TBC1D17: variants seen among roughly 807,000 people sequenced by gnomAD.
TBC1D17 encodes the protein TBC1 domain family member 17, also known as TBC1 domain family, member 17.
A neutral mutation model predicts 78.8 loss-of-function variants in TBC1D17; 69 were observed. The observed-to-expected ratio is 0.88, with a 90% CI of 0.72 to 1.07. The LOEUF (loss-of-function observed/expected upper bound fraction) is 1.07. Ranked by LOEUF, TBC1D17 falls within the 50% of genes least tolerant of loss-of-function variation. The pLI, the probability that TBC1D17 is intolerant of heterozygous loss-of-function variation, is 0.00. For missense variants in TBC1D17, 957 were observed against 861.0 expected (o/e 1.11, Z -1.39); for synonymous variants, 456 against 358.3 (o/e 1.27, Z -3.08).
chr19:49,884,294 G>A lies in TBC1D17; in HGVS notation c.1168G>A (p.Glu390Lys), dbSNP rs755346450. Residue 390 changes from glutamate to lysine, a missense_variant, in exon 11 of 17, where the codon GAG becomes AAG. By Grantham distance (56) the Glu-to-Lys change is moderately conservative. Coordinates refer to ENST00000221543, the MANE Select transcript of TBC1D17 (RefSeq NM_024682.3). ...CACTGACAGGACCAACAAGTTCTAC[G>A]AGGGTCCCGAGAACCCGGGGCTGGG... is the stretch of plus-strand genomic sequence containing the variant. Reference protein sequence around the residue: ...SRTDRTNKFYEGPENPGLGLL... With the variant: ...SRTDRTNKFYKGPENPGLGLL... 5.6e-6 allele frequency: 9 copies of A among 1,614,010 alleles called. No individual in the cohort carries two copies. The highest frequency in any genetic ancestry group is 1.1e-5 in the South Asian group (1 of 91,088).
Position 49,882,814 on chromosome 19 carries a change from G to T in TBC1D17, c.849G>T (p.Glu283Asp). Residue 283 changes from glutamate to aspartate, a missense_variant, in exon 8 of 17, where the codon GAG becomes GAT. Coordinates refer to ENST00000221543, the MANE Select transcript of TBC1D17 (RefSeq NM_024682.3). ...PTVERGPPVTEEEWARHVGPE... is the reference protein window; with the variant it reads ...PTVERGPPVTDEEWARHVGPE... Reference sequence around the variant, plus strand: ...TGGAGCGGGGCCCTCCAGTTACAGAGGAGGAGTGGGCACGCCACGTGGGCC... The same window carrying T: ...TGGAGCGGGGCCCTCCAGTTACAGATGAGGAGTGGGCACGCCACGTGGGCC... 1 of 1,609,012 alleles carries T rather than the reference G, an allele frequency of 6.2e-7. No individual in the cohort carries two copies. Among genetic ancestry groups the T allele is most frequent in the Non-Finnish European group, 8.5e-7 (1 of 1,178,052 alleles).
chr19:49,887,399 C>A, intron 13 of TBC1D17, 77 bp from the exon 14 acceptor site: 1 of 1,456,298 alleles, frequency 6.9e-7, no homozygotes, highest in Non-Finnish European at 9.5e-7. Flanking sequence ...TGGGGAAGGT[C>A]TTCCAGTCAG....
At chr19:49,886,743 T>C (rs1247200584) in intron 13 of TBC1D17, 1 of 152,458 alleles carries the variant, frequency 6.6e-6, no homozygotes, top group African/African-American at 2.4e-5. Flanking sequence ...ATGCTCAGAC[T>C]CTCACTTTCA....
At chr19:49,881,752 A>T (rs923513810) in intron 5 of TBC1D17, among the ~76,000 whole-genome samples, 1 of 151,848 alleles carries the variant, frequency 6.6e-6, no homozygotes, top group African/African-American at 2.4e-5. Flanking sequence ...GATAGAAGGC[A>T]CCTCTTTCCC....
intron 3 of TBC1D17, 65 bp downstream of exon 3, chr19:49,878,637 A>C: frequency 6.7e-7 from 1 of 1,501,844 alleles, no homozygotes; most frequent in East Asian, 2.3e-5. Flanking sequence ...GTTGTAAGTC[A>C]TTTGAGGGAC....
Position 49,884,516 on chromosome 19 carries a change from A to C in TBC1D17, c.1301A>C (p.Glu434Ala), listed in dbSNP as rs1366862000. The change falls in exon 12 of 17, where the codon GAG becomes GCG. Residue 434 changes from glutamate to alanine, a missense_variant. Physicochemically the swap from Glu to Ala is moderately radical, Grantham distance 107. Transcript: ENST00000221543. ...LSPILYVIQN[E>A]VDAFWCFCGF... ...CCGATCCTCTACGTCATTCAGAACG[A>C]GGTGGATGCTTTCTGGTGTTTCTGT... 1 of 1,614,070 alleles carries C rather than the reference A, an allele frequency of 6.2e-7. No individual in the cohort carries two copies. Among genetic ancestry groups the C allele is most frequent in the Admixed American group, 1.7e-5 (1 of 60,010 alleles).
At chr19:49,881,566 T>C in intron 5 of TBC1D17, 91 bp downstream of exon 5, 2 of 1,250,222 alleles carry the variant, frequency 1.6e-6, no homozygotes, top group East Asian at 2.5e-5. Flanking sequence ...GAAACACAAC[T>C]CACACTGATT....
intron 4 of TBC1D17, 108 bp downstream of exon 4, chr19:49,880,510 C>T (rs1041655906): frequency 2.2e-6 from 3 of 1,376,254 alleles, no homozygotes; most frequent in Middle Eastern, 2.3e-4. Context: ...TCAAGAAGGC[C>T]ACCAGTCACC....
Position 49,884,367 on chromosome 19 carries a change from T to G in TBC1D17, c.1241T>G (p.Leu414Arg), listed in dbSNP as rs1316027549. ...LLTYCMYHFD[L>R]GYVQGMSDLL... is the part of the protein sequence containing the mutation. ...ACCTACTGCATGTATCACTTCGACCTCGGTGGGTGCCAGGCCTGGGGACGG... is the reference window on the plus strand; with the variant it reads ...ACCTACTGCATGTATCACTTCGACCGCGGTGGGTGCCAGGCCTGGGGACGG... The change falls in exon 11 of 17, where the codon CTC (leucine) becomes CGC (arginine). Residue 414 changes from leucine (L) to arginine (R), a missense_variant and splice_region_variant. By Grantham distance (102) the Leu-to-Arg change is moderately radical (BLOSUM62 -2). Transcript: ENST00000221543. The G allele has an allele frequency of 3.7e-6, 6 of 1,614,008 alleles. No homozygotes were observed. Among genetic ancestry groups the G allele is most frequent in the Non-Finnish European group, 5.1e-6 (6 of 1,179,958 alleles).
At chr19:49,887,349 C>T (rs911389719) in intron 13 of TBC1D17, 127 bp from the exon 14 acceptor site, 2 of 936,304 alleles carry the variant, frequency 2.1e-6, no homozygotes, top group East Asian at 2.6e-5. Flanking sequence ...TGCCTCACCT[C>T]CGAGGTTCCC....
rs769935475 is a variant in TBC1D17 at position 49,884,248 on chromosome 19, C to T, written c.1127-5C>T. On this transcript the variant is annotated splice_polypyrimidine_tract_variant and splice_region_variant and intron_variant, in intron 10 of 16. Coordinates refer to ENST00000221543, the MANE Select transcript of TBC1D17 (RefSeq NM_024682.3). ...ACCTTTGCACCCTGTGCCCGGTCCC[C>T]GCAGAAAGGGATGTGAGCCGCACTG... The T allele has an allele frequency of 1.5e-5, 24 of 1,613,486 alleles. No homozygotes were observed. The South Asian group carries it at 1.5e-4, about 10-fold the overall frequency.
In TBC1D17 at chr19:49,881,411, C is replaced by T; in HGVS notation, c.463C>T (p.His155Tyr). Residue 155 changes from histidine (H) to tyrosine (Y), a missense_variant, in exon 5 of 17, where the codon CAC becomes TAC. Transcript: ENST00000221543. ...TQAGGSLPAL[H>Y]FHRGGTRALL... is the part of the protein sequence containing the mutation. ...GGCTGGAGGTTCCCTGCCCGCACTG[C>T]ACTTCCACCGCGGGGGCACCCGCGC... The T allele has an allele frequency of 6.2e-7, 1 of 1,612,904 alleles. No individual in the cohort carries two copies. The highest frequency in any genetic ancestry group is 8.5e-7 in the Non-Finnish European group (1 of 1,179,994).
chr19:49,886,113 C>T (rs893001292), intron 13 of TBC1D17, among the ~76,000 whole-genome samples: 1 of 151,852 alleles, frequency 6.6e-6, no homozygotes, highest in Non-Finnish European at 1.5e-5. Flanking sequence ...AACCCCGTCT[C>T]TACTAAAAAT....
rs780871278 is a variant in TBC1D17 at position 49,881,397 on chromosome 19, C to T, written c.449C>T (p.Ser150Phe). ...GTTCTGGTGACCCAGGCTGGAGGTT[C>T]CCTGCCCGCACTGCACTTCCACCGC... ...YLVLVTQAGGSLPALHFHRGG... is the reference protein window; with the variant it reads ...YLVLVTQAGGFLPALHFHRGG... Residue 150 changes from serine to phenylalanine, a missense_variant, in exon 5 of 17, where the codon TCC (serine) becomes TTC (phenylalanine). Ser to Phe is a radical substitution (Grantham distance 155). Coordinates refer to ENST00000221543, the MANE Select transcript of TBC1D17 (RefSeq NM_024682.3). 1.2e-6 allele frequency: 2 copies of T among 1,613,114 alleles called. No homozygotes were observed. The highest frequency in any genetic ancestry group is 1.7e-5 in the Admixed American group (1 of 60,008).
rs1356911093 is a variant in TBC1D17 at position 49,882,097 on chromosome 19, C to A, written c.584C>A (p.Ser195Tyr). 1 of 1,614,160 alleles carries A rather than the reference C, an allele frequency of 6.2e-7. No individual in the cohort carries two copies. The highest frequency in any genetic ancestry group is 1.1e-5 in the South Asian group (1 of 91,082). The change falls in exon 6 of 17, where the codon TCC becomes TAC. Residue 195 changes from serine to tyrosine, a missense_variant. Coordinates refer to ENST00000221543, the MANE Select transcript of TBC1D17 (RefSeq NM_024682.3). The stretch of plus-strand genomic sequence containing the variant: ...TTCCCCCACGACTCCTCTGCTCTCT[C>A]CAACTCCTTCCACCACCTGCAGCTC... ...LVFPHDSSAL[S>Y]NSFHHLQLFD...
chr19:49,887,375 C>T, intron 13 of TBC1D17, 101 bp from the exon 14 acceptor site: 1 of 1,253,448 alleles, frequency 8.0e-7, no homozygotes, highest in Non-Finnish European at 1.1e-6. Context: ...AGGCATAAGT[C>T]ACTTGCCTAG....
Position 49,888,410 on chromosome 19 carries a change from TC to T in TBC1D17, c.1747-11del, listed in dbSNP as rs751098243. ...CACCTTCCGCTTTTCGCTTCTCTCA[TC>T]CCGTGCCTCCAGGAGCTGCCCCACA... On this transcript the variant is annotated splice_polypyrimidine_tract_variant and intron_variant, in intron 16 of 16. Coordinates refer to ENST00000221543, the MANE Select transcript of TBC1D17 (RefSeq NM_024682.3). 77 of 1,345,324 alleles carry T rather than the reference TC, an allele frequency of 5.7e-5. No individual in the cohort carries two copies. The African/African-American group carries it at 5.7e-4, about 10-fold the overall frequency. 83.3% of individuals were successfully genotyped at this position (1,345,324 alleles called of 1,614,324 possible).
intron 5 of TBC1D17, 69 bp downstream of exon 5, chr19:49,881,544 G>A (rs1600446421): frequency 2.7e-6 from 4 of 1,464,502 alleles, no homozygotes; most frequent in African/African-American, 2.8e-5. Flanking sequence ...GTGACCCCTC[G>A]GGGCTGTGAA....
intron 3 of TBC1D17, among the ~76,000 whole-genome samples, chr19:49,879,939 C>T (rs866385909): frequency 1.4e-4 from 21 of 151,330 alleles, no homozygotes; most frequent in Non-Finnish European, 5.9e-5. Context: ...CTGCAACCTC[C>T]GCCTCCCAGG....
Sources: gnomAD v4.1 joint callset for allele counts (sites outside exome capture counted in the v4.1 genomes callset) on GRCh38, gnomAD v4.1.1 for gene constraint, MANE v1.5 for transcripts, NCBI Gene and HGNC (gene_info 2026-07-23, HGNC 2026-07-21) for gene names.